The following OSBPL6 variants were observed in gnomAD, a reference collection of about 807,000 sequenced individuals.
OSBPL6 encodes oxysterol binding protein like 6, also known as oxysterol-binding protein-related protein 6.
Under a neutral mutation model 125.8 loss-of-function variants are expected in OSBPL6, and 49 were observed. That is an observed-to-expected ratio of 0.39 (90% CI 0.31 to 0.49). The LOEUF (loss-of-function observed/expected upper bound fraction) is 0.49, where lower values mean the gene tolerates loss of function less well. Ranked by LOEUF, OSBPL6 falls within the 20% of genes least tolerant of loss-of-function variation. The probability of loss-of-function intolerance (pLI) is 0.88; values close to 1 mark genes in which losing one functional copy is unlikely to be tolerated. For synonymous variants in OSBPL6, 394 were observed against 391.8 expected (o/e 1.01, Z -0.07); for missense variants, 986 against 1,135.4 (o/e 0.87, Z 1.89).
intron 18 of OSBPL6, among the ~76,000 whole-genome samples, chr2:178,385,146 G>C (rs1694828510): frequency 6.6e-6 from 1 of 152,096 alleles, no homozygotes; most frequent in Admixed American, 6.6e-5. Flanking sequence ...GTGATGGGTT[G>C]ATTGGTGCAG....
intron 1 of OSBPL6, among the ~76,000 whole-genome samples, chr2:178,208,594 C>T (rs1213319872): frequency 1.3e-5 from 2 of 151,836 alleles, no homozygotes; most frequent in East Asian, 1.9e-4. Flanking sequence ...TCTATGTCTT[C>T]ATGTTTTCCT....
chr2:178,352,729 G>A (rs1173744395), intron 12 of OSBPL6, among the ~76,000 whole-genome samples: 1 of 152,200 alleles, frequency 6.6e-6, no homozygotes, highest in East Asian at 1.9e-4. Context: ...GCTCTGAAGA[G>A]AGCAGTGGTT....
chr2:178,208,619 CCT>C (rs929665556), intron 1 of OSBPL6, among the ~76,000 whole-genome samples: 1 of 150,420 alleles, frequency 6.6e-6, no homozygotes, highest in African/African-American at 2.4e-5. Context: ...TTTGCTTGTC[CCT>C]CTGTCTTTCC....
intron 1 of OSBPL6, among the ~76,000 whole-genome samples, chr2:178,263,504 T>C (rs1348302445): frequency 4.6e-5 from 7 of 152,180 alleles, no homozygotes; most frequent in Non-Finnish European, 7.4e-5. Context: ...CTGTCAGAGC[T>C]GGAAGAAGAT....
intron 1 of OSBPL6, among the ~76,000 whole-genome samples, chr2:178,197,845 A>G (rs1445310821): frequency 1.3e-5 from 2 of 152,216 alleles, no homozygotes; most frequent in African/African-American, 4.8e-5. Flanking sequence ...GAAAAAGAAA[A>G]TAAGGACAAT....
intron 1 of OSBPL6, among the ~76,000 whole-genome samples, chr2:178,203,594 C>G (rs1410867589): frequency 3.0e-4 from 46 of 152,156 alleles, no homozygotes; most frequent in Admixed American, 3.0e-3. Flanking sequence ...TCATATTTCC[C>G]TGCTTCTTTA....
chr2:178,243,550 T>C (rs2091373296), intron 1 of OSBPL6, among the ~76,000 whole-genome samples: 1 of 152,146 alleles, frequency 6.6e-6, no homozygotes, highest in African/African-American at 2.4e-5. Flanking sequence ...GGCTTAGCCC[T>C]ATCCATTCAT....
At chr2:178,304,418 A>C (rs1686572316) in intron 2 of OSBPL6, among the ~76,000 whole-genome samples, 5 of 152,172 alleles carry the variant, frequency 3.3e-5, no homozygotes, top group Admixed American at 3.3e-4. Flanking sequence ...AAAGAGGAGA[A>C]AGCCCCTTAC....
At position 178,395,772 on chromosome 2, in the gene OSBPL6, T is replaced by TAAAA. The variant is rs746653123; in HGVS notation, c.*238_*241dup. ...TCTGTTTTGCTGCAACCATATTCCTTAAAAAAAAAAAAAAAAAAAAAAAAA... is the reference window on the plus strand; with the variant it reads ...TCTGTTTTGCTGCAACCATATTCCTTAAAAAAAAAAAAAAAAAAAAAAAAAAAAA... On this transcript the variant is annotated 3_prime_UTR_variant, in exon 25 of 25. Transcript: ENST00000190611. 0.019 allele frequency: 4,641 copies of TAAAA among 242,482 alleles called. 215 individuals carry two copies. Among genetic ancestry groups the TAAAA allele is most frequent in the Non-Finnish European group, 0.029 (3,780 of 129,502 alleles). The allele number at this position is 242,482 out of a possible 1,614,324, so 15.0% of individuals were successfully genotyped here.
At chr2:178,226,957 A>G (rs947832134) in intron 1 of OSBPL6, among the ~76,000 whole-genome samples, 5 of 152,202 alleles carry the variant, frequency 3.3e-5, no homozygotes, top group African/African-American at 7.2e-5. Flanking sequence ...ATTTGCTTCA[A>G]TACAATTTCT....
At chr2:178,304,241 C>T (rs1686553221) in intron 2 of OSBPL6, among the ~76,000 whole-genome samples, 1 of 152,104 alleles carries the variant, frequency 6.6e-6, no homozygotes. Flanking sequence ...AATTCTCATG[C>T]TGCTAATAAA....
intron 5 of OSBPL6, 77 bp from the exon 6 acceptor site, chr2:178,331,475 A>C: frequency 6.9e-7 from 1 of 1,448,694 alleles, no homozygotes; most frequent in Non-Finnish European, 9.7e-7. Context: ...AATGCCAAGC[A>C]ACATTAGACC....
chr2:178,378,213 T>C (rs1694069701), intron 15 of OSBPL6, among the ~76,000 whole-genome samples: 1 of 152,166 alleles, frequency 6.6e-6, no homozygotes, highest in South Asian at 2.1e-4. Context: ...TTTCCTATAT[T>C]TCATTTGTTG....
chr2:178,258,119 G>C (rs1332066331), intron 1 of OSBPL6, among the ~76,000 whole-genome samples: 1 of 148,150 alleles, frequency 6.7e-6, no homozygotes, highest in Non-Finnish European at 1.5e-5. Context: ...TCTTTTTTTT[G>C]AGATGGAGTC....
intron 1 of OSBPL6, among the ~76,000 whole-genome samples, chr2:178,265,271 G>A (rs2092197669): frequency 8.0e-6 from 1 of 124,842 alleles, no homozygotes; most frequent in Non-Finnish European, 1.6e-5. Context: ...GAGTACAGTG[G>A]TACACTCATG....
rs80086716 is a variant in OSBPL6, at chr2:178,371,750, A to G, written c.1288-376A>G. On this transcript the variant is annotated intron_variant, in intron 13 of 24. Transcript: ENST00000190611. ...AAACTTTAGAAACTAGAACAAAAAC[A>G]TGAAAGAATTTTCAATGAAAACAAT... is the stretch of plus-strand genomic sequence containing the variant. 3.4e-3 allele frequency among the ~76,000 whole-genome samples: 511 copies of G among 152,366 alleles called. 18 individuals carry two copies. The East Asian group carries it at 0.078, about 23-fold the overall frequency.
At chr2:178,287,035 A>G (rs543380920) in intron 2 of OSBPL6, among the ~76,000 whole-genome samples, 1 of 152,126 alleles carries the variant, frequency 6.6e-6, no homozygotes, top group East Asian at 1.9e-4. Context: ...TACTTTAACC[A>G]TGGAAGCATT....
intron 1 of OSBPL6, among the ~76,000 whole-genome samples, chr2:178,276,932 G>A (rs554965479): frequency 4.6e-5 from 7 of 152,212 alleles, no homozygotes; most frequent in East Asian, 3.9e-4. Flanking sequence ...ACTGCAGTAG[G>A]TGCCCACCAC....
intron 2 of OSBPL6, among the ~76,000 whole-genome samples, chr2:178,302,222 A>G (rs1048111655): frequency 5.3e-5 from 8 of 152,208 alleles, no homozygotes; most frequent in African/African-American, 1.9e-4. Flanking sequence ...ACTGTTACAA[A>G]GGAAGAATGA....
Sources: allele counts gnomAD v4.1 joint callset (sites outside exome capture counted in the v4.1 genomes callset), GRCh38; gene constraint gnomAD v4.1.1; transcripts MANE v1.5; gene names NCBI Gene and HGNC (gene_info 2026-07-23, HGNC 2026-07-21).